The following SUMF1 variants were observed in gnomAD, a reference collection of about 807,000 sequenced individuals.
The protein encoded by SUMF1 is formylglycine-generating enzyme.
Under a neutral mutation model 47.6 loss-of-function variants are expected in SUMF1, and 48 were observed. That is an observed-to-expected ratio of 1.01 (90% confidence interval 0.80 to 1.28). The LOEUF is 1.28. Ranked by LOEUF, SUMF1 falls within the 50% of genes most tolerant of loss-of-function variation. SUMF1 has a pLI of 0.00. For synonymous variants in SUMF1, 230 were observed against 192.1 expected (o/e 1.20, Z -1.63); for missense variants, 571 against 485.4 (o/e 1.18, Z -1.66).
intron 8 of SUMF1, among the ~76,000 whole-genome samples, chr3:4,355,735 T>C (rs1699603704): frequency 6.6e-6 from 1 of 152,186 alleles, no homozygotes; most frequent in Admixed American, 6.5e-5. Context: ...TTGTCAAATA[T>C]GGCCCAGACC....
chr3:4,333,746 G>T (rs1699092687), intron 8 of SUMF1, among the ~76,000 whole-genome samples: 1 of 152,086 alleles, frequency 6.6e-6, no homozygotes, highest in Admixed American at 6.6e-5. Flanking sequence ...GAAGAAGGAG[G>T]AATAGTGTGG....
At chr3:4,175,197 G>A (rs1275950590) in intron 8 of SUMF1, among the ~76,000 whole-genome samples, 2 of 152,128 alleles carry the variant, frequency 1.3e-5, no homozygotes, top group East Asian at 1.9e-4. Context: ...CCAGCATGGC[G>A]TTTGAGCTCT....
In SUMF1 at chr3:4,119,644, G is replaced by A. The variant is rs937431325; in HGVS notation, c.1015-50899C>T. Among the ~76,000 whole-genome samples the A allele has an allele frequency of 1.2e-3, 178 of 152,064 alleles. 2 individuals carry two copies. The highest frequency in any genetic ancestry group is 4.2e-3 in the African/African-American group (172 of 41,354). On this transcript the variant is annotated intron_variant and NMD_transcript_variant, in intron 8 of 12. Coordinates refer to the SUMF1 transcript ENST00000448413. ...TGTTCCCAATATCCTGATATCCTGT[G>A]TTGTTATCTCCTGCAGCATTGTGAG...
intron 8 of SUMF1, among the ~76,000 whole-genome samples, chr3:4,217,954 T>A (rs920976140): frequency 6.6e-6 from 1 of 152,080 alleles, no homozygotes; most frequent in South Asian, 2.1e-4. Flanking sequence ...GAATCTCACC[T>A]TGAAATCCTG....
intron 8 of SUMF1, among the ~76,000 whole-genome samples, chr3:4,200,676 A>C (rs919924997): frequency 5.3e-5 from 8 of 152,036 alleles, no homozygotes; most frequent in Admixed American, 4.6e-4. Flanking sequence ...AGCCTCAATA[A>C]TTGCATGAGG....
intron 7 of SUMF1, among the ~76,000 whole-genome samples, chr3:4,377,743 T>C (rs1054781564): frequency 1.3e-5 from 2 of 152,094 alleles, no homozygotes; most frequent in Admixed American, 1.3e-4. Flanking sequence ...ATCTGAGAGG[T>C]ACCAATAAAT....
intron 7 of SUMF1, among the ~76,000 whole-genome samples, chr3:4,393,008 T>C (rs1700924839): frequency 6.6e-6 from 1 of 152,186 alleles, no homozygotes; most frequent in African/African-American, 2.4e-5. Flanking sequence ...CAAGTCTCCC[T>C]GGCTTTCACT....
At chr3:4,441,014 G>T (rs764796362) in intron 3 of SUMF1, among the ~76,000 whole-genome samples, 2 of 151,938 alleles carry the variant, frequency 1.3e-5, no homozygotes, top group African/African-American at 2.4e-5. Flanking sequence ...GTTATCTATA[G>T]CAAGGGTCCC....
chr3:4,141,921 CAT>C (rs943074002), intron 8 of SUMF1, among the ~76,000 whole-genome samples: 4 of 152,154 alleles, frequency 2.6e-5, no homozygotes, highest in South Asian at 2.1e-4. Context: ...TAGGAACCCA[CAT>C]GTTTTCAAAA....
chr3:4,289,198 G>C (rs540333860), intron 8 of SUMF1, among the ~76,000 whole-genome samples: 1 of 152,342 alleles, frequency 6.6e-6, no homozygotes, highest in East Asian at 1.9e-4. Context: ...GAGAAACTCA[G>C]ACTGGAGGTG....
intron 8 of SUMF1, among the ~76,000 whole-genome samples, chr3:4,185,117 G>A (rs1376534607): frequency 6.6e-6 from 1 of 152,058 alleles, no homozygotes; most frequent in Non-Finnish European, 1.5e-5. Flanking sequence ...AGTAAAGATT[G>A]TTTACATATC....
At chr3:4,290,868 G>A (rs191163685) in intron 8 of SUMF1, among the ~76,000 whole-genome samples, 180 of 152,164 alleles carry the variant, frequency 1.2e-3, no homozygotes, top group Admixed American at 9.2e-3. Context: ...TTGTTAAAGT[G>A]TTGGTAGCTT....
chr3:4,371,086 C>T (rs978871985), intron 8 of SUMF1, among the ~76,000 whole-genome samples: 2 of 152,166 alleles, frequency 1.3e-5, no homozygotes, highest in Admixed American at 6.5e-5. Context: ...ATTAATAAGT[C>T]GTTTATTTTA....
chr3:4,079,743 C>T (rs968935268), intron 8 of SUMF1, among the ~76,000 whole-genome samples: 4 of 149,958 alleles, frequency 2.7e-5, no homozygotes, highest in African/African-American at 9.9e-5. Context: ...TCTTAAGCAA[C>T]TTGTCGTATC....
intron 8 of SUMF1, among the ~76,000 whole-genome samples, chr3:4,165,702 G>A (rs1327256218): frequency 6.6e-6 from 1 of 151,892 alleles, no homozygotes; most frequent in Non-Finnish European, 1.5e-5. Context: ...AGAATATTGG[G>A]GCCAGACCAT....
intron 7 of SUMF1, among the ~76,000 whole-genome samples, chr3:4,392,231 G>A (rs377573645): frequency 2.6e-5 from 4 of 152,026 alleles, no homozygotes; most frequent in African/African-American, 9.7e-5. Flanking sequence ...TCAGTTAGTA[G>A]TATACTTTTC....
chr3:4,299,574 G>A (rs1485316265), intron 8 of SUMF1, among the ~76,000 whole-genome samples: 1 of 152,172 alleles, frequency 6.6e-6, no homozygotes, highest in Non-Finnish European at 1.5e-5. Context: ...TTTGGGAGGT[G>A]GAGATGGGTG....
chr3:4,221,412 GGGGT>G (rs1559582128), intron 8 of SUMF1, among the ~76,000 whole-genome samples: 2 of 96,216 alleles, frequency 2.1e-5, no homozygotes, highest in Admixed American at 1.1e-4. Flanking sequence ...TTGGTTTTTT[GGGGT>G]GTGTGTGTGT....
chr3:4,410,310 T>C (rs794184), intron 7 of SUMF1, among the ~76,000 whole-genome samples: 45,718 of 152,078 alleles, frequency 0.3, 7,438 homozygotes, highest in Non-Finnish European at 0.36. Flanking sequence ...TGGACAAACA[T>C]GGTTGCCTTC....
Sources: gnomAD v4.1 joint callset for allele counts (sites outside exome capture counted in the v4.1 genomes callset) on GRCh38, gnomAD v4.1.1 for gene constraint, MANE v1.5 for transcripts, NCBI Gene and HGNC (gene_info 2026-07-23, HGNC 2026-07-21) for gene names.